The following ROBO1 variants were observed in gnomAD, a reference collection of about 807,000 sequenced individuals.
ROBO1 encodes roundabout homolog 1.
In ROBO1, 149 loss-of-function variants were observed where a neutral mutation model predicts 195.9. That is an observed-to-expected ratio of 0.76 (90% CI 0.67 to 0.87). The LOEUF is 0.87. Among genes scored for constraint, ROBO1 ranks in the 40% least tolerant of loss-of-function variants. The pLI, the probability that ROBO1 is intolerant of heterozygous loss-of-function variation, is 0.00. For synonymous variants in ROBO1, 816 were observed against 733.2 expected, an observed-to-expected ratio of 1.11 and a Z score of -1.82; for missense variants, 1,933 against 2,068.3, an observed-to-expected ratio of 0.93 and a Z score of 1.27.
chr3:79,544,419 A>G (rs530877632), intron 2 of ROBO1, among the ~76,000 whole-genome samples: 1 of 152,116 alleles, frequency 6.6e-6, no homozygotes, highest in East Asian at 1.9e-4. Context: ...AAATTTAGAT[A>G]ACTTTTAAAC....
chr3:79,328,949 T>C (rs1287760364), intron 2 of ROBO1, among the ~76,000 whole-genome samples: 1 of 152,160 alleles, frequency 6.6e-6, no homozygotes, highest in Non-Finnish European at 1.5e-5. Flanking sequence ...TCAAACTGAA[T>C]GAGGTTTGAG....
intron 2 of ROBO1, among the ~76,000 whole-genome samples, chr3:79,410,445 A>G (rs548183852): frequency 6.6e-6 from 1 of 152,254 alleles, no homozygotes; most frequent in African/African-American, 2.4e-5. Context: ...AAACAAATGA[A>G]AAAAACAAAA....
intron 2 of ROBO1, among the ~76,000 whole-genome samples, chr3:79,372,203 C>CTTTTTT (rs113427698): frequency 1.4e-5 from 2 of 143,186 alleles, no homozygotes; most frequent in Non-Finnish European, 1.5e-5. Context: ...TTCTAGCATT[C>CTTTTTT]TTTTTTTTTT....
chr3:79,569,126 G>GCACACACA (rs71127393), intron 2 of ROBO1, among the ~76,000 whole-genome samples: 2 of 149,616 alleles, frequency 1.3e-5, no homozygotes, highest in Admixed American at 6.7e-5. Flanking sequence ...GTGCACACGC[G>GCACACACA]CACACACACA....
At chr3:78,633,670 A>G (rs191486499) in intron 24 of ROBO1, among the ~76,000 whole-genome samples, 135 of 152,310 alleles carry the variant, frequency 8.9e-4, no homozygotes, top group African/African-American at 3.1e-3. Context: ...TTAAAGATTA[A>G]CCAGACATGT....
intron 1 of ROBO1, among the ~76,000 whole-genome samples, chr3:79,610,162 T>C (rs1399559106): frequency 6.6e-6 from 1 of 151,934 alleles, no homozygotes; most frequent in African/African-American, 2.4e-5. Context: ...TCTCTCTTTA[T>C]CCGTGGGGGA....
At chr3:78,678,744 G>C (rs1708598323) in intron 10 of ROBO1, among the ~76,000 whole-genome samples, 3 of 152,154 alleles carry the variant, frequency 2.0e-5, no homozygotes, top group South Asian at 2.1e-4. Flanking sequence ...TCTACCAGAG[G>C]TACAAGGACG....
At chr3:79,378,308 G>A (rs2036454449) in intron 2 of ROBO1, among the ~76,000 whole-genome samples, 1 of 151,874 alleles carries the variant, frequency 6.6e-6, no homozygotes, top group South Asian at 2.1e-4. Flanking sequence ...TTTTCCCTCG[G>A]TGCCAGCCTC....
intron 21 of ROBO1, among the ~76,000 whole-genome samples, chr3:78,641,698 G>A (rs986465250): frequency 3.3e-5 from 5 of 152,260 alleles, no homozygotes; most frequent in East Asian, 1.9e-4. Context: ...GTTATAGGAC[G>A]TCTGAAATAT....
At chr3:79,622,716 C>T (rs1945047148) in intron 1 of ROBO1, among the ~76,000 whole-genome samples, 1 of 152,192 alleles carries the variant, frequency 6.6e-6, no homozygotes, top group Non-Finnish European at 1.5e-5. Context: ...GGAGAGGTGG[C>T]CGCAGACATA....
intron 1 of ROBO1, among the ~76,000 whole-genome samples, chr3:79,749,049 G>C (rs1222959167): frequency 1.3e-5 from 2 of 152,208 alleles, no homozygotes; most frequent in East Asian, 3.9e-4. Flanking sequence ...ATGTGAGAAA[G>C]TTTGGAACTC....
intron 3 of ROBO1, among the ~76,000 whole-genome samples, chr3:79,069,820 T>C (rs981775981): frequency 2.0e-5 from 3 of 151,896 alleles, no homozygotes; most frequent in African/African-American, 7.2e-5. Context: ...AATTAATCAG[T>C]ATATGAGAAC....
rs531644485 is a variant in ROBO1, at chr3:78,907,020, C to T, written c.499+31581G>A. The stretch of plus-strand genomic sequence containing the variant: ...AGACTATTCAGCTTCATAAAGACAT[C>T]GAGTTGGGAAAGGGAGAAGTATTTG... On this transcript the variant is annotated intron_variant, in intron 4 of 30. Transcript: ENST00000464233. 1.1e-4 allele frequency among the ~76,000 whole-genome samples: 16 copies of T among 152,136 alleles called. No homozygotes were observed. The South Asian group carries it at 2.7e-3, about 26-fold the overall frequency.
intron 2 of ROBO1, among the ~76,000 whole-genome samples, chr3:79,575,392 AATAT>A (rs1391002083): frequency 5.4e-5 from 7 of 129,262 alleles, no homozygotes; most frequent in Non-Finnish European, 3.1e-5. Flanking sequence ...ATAGATAACA[AATAT>A]ATATAAATAT....
intron 2 of ROBO1, among the ~76,000 whole-genome samples, chr3:79,577,978 C>A (rs2107777640): frequency 6.6e-6 from 1 of 151,812 alleles, no homozygotes; most frequent in South Asian, 2.1e-4. Context: ...GACAACCAAC[C>A]CCCCAAAAAG....
chr3:79,204,441 A>C (rs1224144781), intron 2 of ROBO1, among the ~76,000 whole-genome samples: 1 of 151,840 alleles, frequency 6.6e-6, no homozygotes, highest in Admixed American at 6.6e-5. Context: ...TTATTTATCT[A>C]TTCCCCAGTG....
chr3:79,356,823 G>A (rs1468303861), intron 2 of ROBO1, among the ~76,000 whole-genome samples: 1 of 152,154 alleles, frequency 6.6e-6, no homozygotes, highest in Non-Finnish European at 1.5e-5. Context: ...TTCAGGGCAG[G>A]TTCATCAGAT....
At chr3:78,617,348 T>C (rs536449073) in intron 27 of ROBO1, among the ~76,000 whole-genome samples, 1 of 152,278 alleles carries the variant, frequency 6.6e-6, no homozygotes, top group South Asian at 2.1e-4. Flanking sequence ...ATACGTATAT[T>C]TGCTATGGCT....
intron 3 of ROBO1, among the ~76,000 whole-genome samples, chr3:79,048,681 G>T (rs2108357474): frequency 6.6e-6 from 1 of 152,096 alleles, no homozygotes; most frequent in Non-Finnish European, 1.5e-5. Context: ...TCCCTCTATT[G>T]TCACACTATG....
Sources: gnomAD v4.1 joint callset for allele counts (sites outside exome capture counted in the v4.1 genomes callset) on GRCh38, gnomAD v4.1.1 for gene constraint, MANE v1.5 for transcripts, NCBI Gene and HGNC (gene_info 2026-07-23, HGNC 2026-07-21) for gene names.